DTNB: variants seen among roughly 807,000 people sequenced by gnomAD.
DTNB encodes the protein dystrobrevin beta, also known as DTN-B.
In DTNB, 63 loss-of-function variants were observed where a neutral mutation model predicts 90.7. That is an observed-to-expected ratio of 0.69 (90% confidence interval 0.57 to 0.86). The LOEUF is 0.86. Ranked by LOEUF, DTNB falls within the 40% of genes least tolerant of loss-of-function variation. DTNB has a pLI of 0.00. For synonymous variants in DTNB, 277 were observed against 286.7 expected (o/e 0.97, Z 0.34); for missense variants, 744 against 807.1 (o/e 0.92, Z 0.95).
rs2057074488 is a variant in DTNB, at chr2:25,555,172, T to C, written c.876+21666A>G. ...TGGGTGTGGTGGCGGGTGCCTGTAG[T>C]CCCAGCTACCTGGGAGGCTGAGGCA... is the stretch of plus-strand genomic sequence containing the variant. On this transcript the variant is annotated intron_variant, in intron 8 of 20. Coordinates refer to ENST00000406818, the MANE Select transcript of DTNB (RefSeq NM_021907.5). Among the ~76,000 whole-genome samples, 5 of 151,068 alleles carry C rather than the reference T, an allele frequency of 3.3e-5. No individual in the cohort carries two copies. The Admixed American group carries it at 3.3e-4, about 10-fold the overall frequency.
At chr2:25,506,386 G>C (rs2150624821) in intron 9 of DTNB, among the ~76,000 whole-genome samples, 1 of 151,102 alleles carries the variant, frequency 6.6e-6, no homozygotes, top group African/African-American at 2.4e-5. Context: ...AAGTTCATGA[G>C]TACACGTGCA....
intron 5 of DTNB, among the ~76,000 whole-genome samples, chr2:25,604,900 A>C (rs1293491206): frequency 1.3e-5 from 2 of 151,706 alleles, no homozygotes; most frequent in Non-Finnish European, 2.9e-5. Flanking sequence ...AATTGCTTTT[A>C]TAGATACACA....
At chr2:25,638,340 TAGAACTTAA>T (rs2077526241) in intron 3 of DTNB, among the ~76,000 whole-genome samples, 1 of 152,214 alleles carries the variant, frequency 6.6e-6, no homozygotes, top group Non-Finnish European at 1.5e-5. Flanking sequence ...ACATGTACCC[TAGAACTTAA>T]AGTATAATAA....
chr2:25,393,016 A>G (rs1434793011), intron 16 of DTNB, among the ~76,000 whole-genome samples: 1 of 152,238 alleles, frequency 6.6e-6, no homozygotes, highest in Non-Finnish European at 1.5e-5. Context: ...ATCCAACAGC[A>G]TATCAAAAAG....
At chr2:25,551,034 G>A (rs1016174041) in intron 8 of DTNB, among the ~76,000 whole-genome samples, 3 of 152,302 alleles carry the variant, frequency 2.0e-5, no homozygotes, top group African/African-American at 7.2e-5. Context: ...CTTCCACACT[G>A]TCCCAAATGC....
At chr2:25,585,453 G>T (rs1159699307) in intron 6 of DTNB, among the ~76,000 whole-genome samples, 4 of 152,000 alleles carry the variant, frequency 2.6e-5, no homozygotes, top group African/African-American at 7.2e-5. Context: ...GTTGCTCTTT[G>T]TTATTCTAAT....
chr2:25,494,985 A>G (rs544744295), intron 9 of DTNB, among the ~76,000 whole-genome samples: 1 of 152,254 alleles, frequency 6.6e-6, no homozygotes, highest in South Asian at 2.1e-4. Context: ...ACTTTCTTCC[A>G]AAGAAAAGTG....
chr2:25,381,644 G>A (rs955684072), intron 19 of DTNB, among the ~76,000 whole-genome samples: 7 of 152,172 alleles, frequency 4.6e-5, no homozygotes, highest in African/African-American at 1.7e-4. Flanking sequence ...CTAAAGTGCT[G>A]GGATTACAGG....
intron 16 of DTNB, 160 bp downstream of exon 16, chr2:25,419,352 TTTA>T: frequency 2.7e-6 from 3 of 1,092,016 alleles, no homozygotes; most frequent in Non-Finnish European, 4.1e-6. Context: ...GCCTTGAACT[TTTA>T]GGCCATTTTA....
At chr2:25,601,962 A>T (rs1469574534) in intron 5 of DTNB, among the ~76,000 whole-genome samples, 1 of 152,048 alleles carries the variant, frequency 6.6e-6, no homozygotes, top group Non-Finnish European at 1.5e-5. Flanking sequence ...CCTCTACTGA[A>T]AATACAAAAA....
intron 4 of DTNB, among the ~76,000 whole-genome samples, chr2:25,610,800 C>A (rs2068422556): frequency 6.6e-6 from 1 of 151,960 alleles, no homozygotes; most frequent in South Asian, 2.1e-4. Flanking sequence ...ACTTCCACCT[C>A]TTGGGTTCAA....
chr2:25,617,622 G>A (rs1013458388), intron 4 of DTNB, among the ~76,000 whole-genome samples: 7 of 152,166 alleles, frequency 4.6e-5, no homozygotes, highest in African/African-American at 9.7e-5. Context: ...GCCAGGCGTC[G>A]TGGTTCACGC....
chr2:25,428,869 G>A (rs901910198), intron 14 of DTNB, among the ~76,000 whole-genome samples: 4 of 152,090 alleles, frequency 2.6e-5, no homozygotes, highest in African/African-American at 9.7e-5. Flanking sequence ...TCTAAAAGGG[G>A]ACTAGTAACA....
At chr2:25,645,752 A>G (rs1422531234) in intron 2 of DTNB, among the ~76,000 whole-genome samples, 2 of 151,136 alleles carry the variant, frequency 1.3e-5, no homozygotes, top group Non-Finnish European at 2.9e-5. Context: ...TTAAAAAAAG[A>G]TAATACTAAA....
chr2:25,633,868 C>G (rs2076373328), intron 3 of DTNB, among the ~76,000 whole-genome samples: 1 of 150,608 alleles, frequency 6.6e-6, no homozygotes, highest in Non-Finnish European at 1.5e-5. Context: ...GCCGCGACCC[C>G]GTCTGGGAGG....
At chr2:25,432,328 C>G (rs1346128224) in intron 14 of DTNB, among the ~76,000 whole-genome samples, 1 of 152,078 alleles carries the variant, frequency 6.6e-6, no homozygotes, top group Non-Finnish European at 1.5e-5. Flanking sequence ...CTCCAAAACA[C>G]CATCAAACAT....
intron 8 of DTNB, among the ~76,000 whole-genome samples, chr2:25,575,386 C>CT (rs546902070): frequency 1.3e-5 from 2 of 151,414 alleles, no homozygotes; most frequent in African/African-American, 4.8e-5. Flanking sequence ...TGTTTTTTTC[C>CT]TTTTTTTGGA....
chr2:25,521,492 T>C (rs2076125050), intron 9 of DTNB, among the ~76,000 whole-genome samples: 6 of 151,220 alleles, frequency 4.0e-5, no homozygotes, highest in African/African-American at 7.3e-5. Flanking sequence ...CAAGCAATCC[T>C]CGTGCCTCAG....
chr2:25,382,776 G>C (rs879332569), intron 19 of DTNB, among the ~76,000 whole-genome samples: 1 of 151,996 alleles, frequency 6.6e-6, no homozygotes, highest in Non-Finnish European at 1.5e-5. Context: ...TGATCCGCCC[G>C]CCTCGGCCTT....
Sources: allele counts gnomAD v4.1 joint callset (sites outside exome capture counted in the v4.1 genomes callset), GRCh38; gene constraint gnomAD v4.1.1; transcripts MANE v1.5; gene names NCBI Gene and HGNC (gene_info 2026-07-23, HGNC 2026-07-21).